Variants in ABCD3 observed in about 807,000 individuals in gnomAD.
The protein encoded by ABCD3 is ATP-binding cassette sub-family D member 3.
In ABCD3, 41 loss-of-function variants were observed where a neutral mutation model predicts 105.5. That is an observed-to-expected ratio of 0.39 (90% CI 0.30 to 0.50). The LOEUF is 0.50. ABCD3 is among the 20% of genes least tolerant of loss of function. The pLI, the probability that ABCD3 is intolerant of heterozygous loss-of-function variation, is 0.84. For synonymous variants in ABCD3, 258 were observed against 269.0 expected (o/e 0.96, Z 0.40); for missense variants, 622 against 806.3 (o/e 0.77, Z 2.77).
intron 1 of ABCD3, among the ~76,000 whole-genome samples, chr1:94,449,753 C>G (rs1458098527): frequency 6.6e-6 from 1 of 152,112 alleles, no homozygotes; most frequent in Non-Finnish European, 1.5e-5. Flanking sequence ...AATTGCATCT[C>G]TCAGTCTGCG....
At chr1:94,465,984 A>G (rs1648114017) in intron 3 of ABCD3, among the ~76,000 whole-genome samples, 2 of 152,098 alleles carry the variant, frequency 1.3e-5, no homozygotes, top group South Asian at 4.2e-4. Flanking sequence ...GAAAACGTAC[A>G]TTCCTTCATC....
chr1:94,406,593 A>G, the ABCD3 span: 4 of 311,726 alleles, frequency 1.3e-5, no homozygotes, highest in Non-Finnish European at 2.5e-5. Context: ...GTATGTAATG[A>G]TGTAATGTGC....
intron 4 of ABCD3, among the ~76,000 whole-genome samples, chr1:94,470,181 T>C (rs1429049963): frequency 6.6e-6 from 1 of 152,212 alleles, no homozygotes; most frequent in Non-Finnish European, 1.5e-5. Flanking sequence ...AAAATGTCTT[T>C]CTTCTAGTCT....
At chr1:94,399,428 G>A in the ABCD3 span, among the ~76,000 whole-genome samples, 15 of 152,272 alleles carry the variant, frequency 9.9e-5, no homozygotes. Context: ...TCCTTGCCCG[G>A]CCCAGTCTTC....
chr1:94,454,815 C>T (rs1647463603), intron 1 of ABCD3, among the ~76,000 whole-genome samples: 1 of 152,056 alleles, frequency 6.6e-6, no homozygotes, highest in Non-Finnish European at 1.5e-5. Flanking sequence ...CCATGCCCAG[C>T]TAATTTTTAT....
chr1:94,466,819 T>C (rs371691122), intron 3 of ABCD3, among the ~76,000 whole-genome samples: 4 of 152,208 alleles, frequency 2.6e-5, no homozygotes, highest in African/African-American at 9.6e-5. Context: ...ATTTGAAACA[T>C]TGGATGAGTC....
At chr1:94,439,624 C>CT (rs1408609827) in intron 1 of ABCD3, among the ~76,000 whole-genome samples, 1 of 152,014 alleles carries the variant, frequency 6.6e-6, no homozygotes, top group Non-Finnish European at 1.5e-5. Flanking sequence ...GAGCGAGACT[C>CT]TATCAAAAAT....
Position 94,464,844 on chromosome 1 carries a change from A to G in ABCD3, c.217A>G (p.Ile73Val), listed in dbSNP as rs775108060. 1.5e-5 allele frequency: 24 copies of G among 1,613,950 alleles called. No homozygotes were observed. The highest frequency in any genetic ancestry group is 1.4e-4 in the South Asian group (13 of 91,076). Residue 73 changes from isoleucine (I) to valine (V), a missense_variant, in exon 3 of 23, where the codon ATC becomes GTC. Coordinates refer to ENST00000370214, the MANE Select transcript of ABCD3 (RefSeq NM_002858.4). ...CTCAAGGCTCATACAGATTCTGAAA[A>G]TCATGGTCCCTAGAACATTTTGTAA... ...FFSRLIQILK[I>V]MVPRTFCKET...
intron 1 of ABCD3, among the ~76,000 whole-genome samples, chr1:94,454,219 T>G (rs1298354717): frequency 6.6e-6 from 1 of 152,120 alleles, no homozygotes; most frequent in Non-Finnish European, 1.5e-5. Context: ...TGGCCTGAAT[T>G]GAAATCATAG....
Position 94,487,597 on chromosome 1 carries a change from G to A in ABCD3, c.953G>A (p.Ser318Asn). The change falls in exon 11 of 23, where the codon AGT becomes AAT. Residue 318 changes from serine to asparagine, a missense_variant. Around this residue, in one of 4 missense-constraint regions of ABCD3, gnomAD observed 245 missense variants for 356.4 expected, o/e 0.69. Transcript: ENST00000370214. Reference protein sequence around the residue: ...LFRFSMGFIDSIIAKYLATVV... With the variant: ...LFRFSMGFIDNIIAKYLATVV... ...CGGTTTTCAATGGGCTTCATTGATA[G>A]TATTATTGCCAAATGTAAGTATATT... 2 of 1,613,434 alleles carry A rather than the reference G, an allele frequency of 1.2e-6. No homozygotes were observed. The highest frequency in any genetic ancestry group is 1.7e-6 in the Non-Finnish European group (2 of 1,179,506).
chr1:94,405,373 C>T, the ABCD3 span, among the ~76,000 whole-genome samples: 2 of 151,370 alleles, frequency 1.3e-5, no homozygotes, highest in African/African-American at 4.9e-5. Flanking sequence ...TGCAATGGCC[C>T]CATCTTGGCT....
chr1:94,469,764 C>T (rs1412180072), intron 4 of ABCD3, among the ~76,000 whole-genome samples: 1 of 147,164 alleles, frequency 6.8e-6, no homozygotes, highest in Non-Finnish European at 1.5e-5. Context: ...CTCCTGGGTT[C>T]ACGCCATTCT....
chr1:94,424,026 A>G (rs748377813), intron 1 of ABCD3, among the ~76,000 whole-genome samples: 3 of 152,150 alleles, frequency 2.0e-5, no homozygotes, highest in Non-Finnish European at 4.4e-5. Flanking sequence ...CCATGAGTAG[A>G]TGTTATATGG....
intron 1 of ABCD3, among the ~76,000 whole-genome samples, chr1:94,451,728 T>A (rs773613401): frequency 1.6e-4 from 24 of 152,228 alleles, no homozygotes; most frequent in Non-Finnish European, 2.9e-4. Context: ...TTACTGTTTC[T>A]CTGAATGCTT....
At chr1:94,430,783 A>G (rs1285306387) in intron 1 of ABCD3, among the ~76,000 whole-genome samples, 3 of 152,214 alleles carry the variant, frequency 2.0e-5, no homozygotes, top group African/African-American at 7.2e-5. Flanking sequence ...ATTTTTGTTA[A>G]TTTAGTGAGT....
intron 7 of ABCD3, 152 bp downstream of exon 7, chr1:94,475,889 AATT>A (rs1415093533): frequency 3.0e-5 from 19 of 631,434 alleles, no homozygotes; most frequent in Non-Finnish European, 4.6e-5. Context: ...TAATAGTTTT[AATT>A]ATTTTAATTT....
At chr1:94,512,340 G>T (rs569952869) in intron 21 of ABCD3, among the ~76,000 whole-genome samples, 2 of 151,488 alleles carry the variant, frequency 1.3e-5, no homozygotes, top group Admixed American at 6.6e-5. Context: ...AGATATAAAA[G>T]ATACCTCATT....
At chr1:94,417,277 A>G (rs1659054014), upstream of ABCD3, among the ~76,000 whole-genome samples, 1 of 152,206 alleles carries the variant, frequency 6.6e-6, no homozygotes, top group African/African-American at 2.4e-5. Context: ...TGTGATCCTC[A>G]TAACCTGTAT....
chr1:94,489,662 TA>T, intron 13 of ABCD3, 62 bp from the exon 14 acceptor site: 1 of 1,179,120 alleles, frequency 8.5e-7, no homozygotes, highest in Non-Finnish European at 1.3e-6. Context: ...TCAGTTTGTA[TA>T]AAATAAAAGA....
Sources: gnomAD v4.1 joint callset for allele counts (sites outside exome capture counted in the v4.1 genomes callset) on GRCh38, gnomAD v4.1.1 for gene constraint, gnomAD v4.1.1 regional missense constraint, MANE v1.5 for transcripts, NCBI Gene and HGNC (gene_info 2026-07-23, HGNC 2026-07-21) for gene names.